CSMD1: variants seen among roughly 807,000 people sequenced by gnomAD.
CSMD1 encodes CUB and sushi domain-containing protein 1.
In CSMD1, 213 loss-of-function variants were observed where a neutral mutation model predicts 417.5. The ratio of observed to expected loss-of-function variants is 0.51; its 90% CI spans 0.46 to 0.57. The LOEUF is 0.57. Among genes scored for constraint, CSMD1 ranks in the 20% least tolerant of loss-of-function variants. The pLI is 0.00. For missense variants in CSMD1, 6,923 were observed against 4,529.7 expected (o/e 1.53, Z -15.17); for synonymous variants, 2,862 against 1,736.8 (o/e 1.65, Z -16.11).
chr8:3,962,267 C>T (rs1174660561), intron 5 of CSMD1, among the ~76,000 whole-genome samples: 1 of 152,178 alleles, frequency 6.6e-6, no homozygotes, highest in Non-Finnish European at 1.5e-5. Flanking sequence ...TGATGAGGTT[C>T]TTCTGTCCTG....
intron 63 of CSMD1, among the ~76,000 whole-genome samples, chr8:2,956,523 C>T (rs769872344): frequency 7.9e-5 from 12 of 151,608 alleles, no homozygotes; most frequent in East Asian, 1.9e-4. Flanking sequence ...GCACGATCTC[C>T]GCTCGCTGCA....
chr8:2,971,359 C>T (rs1804442775), intron 57 of CSMD1, among the ~76,000 whole-genome samples: 1 of 152,112 alleles, frequency 6.6e-6, no homozygotes, highest in East Asian at 1.9e-4. Flanking sequence ...TCTCTTAAAT[C>T]TGAAAGAATC....
At chr8:3,409,679 G>C in intron 12 of CSMD1, 74 bp from the exon 13 acceptor site, 2 of 1,186,212 alleles carry the variant, frequency 1.7e-6, no homozygotes, top group East Asian at 2.7e-5. Flanking sequence ...AACTTAGAAA[G>C]TAAATACGTG....
intron 5 of CSMD1, among the ~76,000 whole-genome samples, chr8:3,896,329 T>A (rs947714012): frequency 6.6e-6 from 1 of 152,156 alleles, no homozygotes; most frequent in Non-Finnish European, 1.5e-5. Context: ...CAGATTTCCA[T>A]ATACTCACTT....
intron 8 of CSMD1, chr8:3,613,374 G>C: frequency 3.4e-6 from 1 of 297,614 alleles, no homozygotes; most frequent in South Asian, 2.8e-5. Flanking sequence ...ACTCTTCTAT[G>C]GTATTCCAGA....
intron 33 of CSMD1, among the ~76,000 whole-genome samples, chr8:3,195,125 T>A (rs947262909): frequency 6.6e-6 from 1 of 152,124 alleles, no homozygotes; most frequent in Non-Finnish European, 1.5e-5. Flanking sequence ...ATTACAGAAA[T>A]AGGCCTTTTA....
At chr8:4,692,309 G>C (rs749201200) in intron 1 of CSMD1, among the ~76,000 whole-genome samples, 1 of 152,034 alleles carries the variant, frequency 6.6e-6, no homozygotes, top group Non-Finnish European at 1.5e-5. Flanking sequence ...CTCATTAAAG[G>C]AAATTTAAAA....
intron 1 of CSMD1, among the ~76,000 whole-genome samples, chr8:4,736,175 C>A (rs1235648072): frequency 6.6e-6 from 1 of 152,128 alleles, no homozygotes. Context: ...CAAATATTAA[C>A]TTCTTCTCTA....
chr8:3,401,458 C>A (rs1212202402), intron 15 of CSMD1, among the ~76,000 whole-genome samples: 1 of 152,098 alleles, frequency 6.6e-6, no homozygotes, highest in Non-Finnish European at 1.5e-5. Flanking sequence ...ATGAAATAGA[C>A]ACTTTAATAA....
chr8:4,572,209 T>C (rs1392660248), intron 2 of CSMD1, among the ~76,000 whole-genome samples: 1 of 152,190 alleles, frequency 6.6e-6, no homozygotes, highest in Non-Finnish European at 1.5e-5. Flanking sequence ...TTCTTCATAG[T>C]GTTGTTGGTC....
intron 3 of CSMD1, among the ~76,000 whole-genome samples, chr8:4,175,690 C>A (rs1172165540): frequency 1.3e-5 from 2 of 152,036 alleles, no homozygotes; most frequent in Non-Finnish European, 1.5e-5. Context: ...TACATAATGT[C>A]CTCACAGAAG....
At position 3,377,919 on chromosome 8, in the gene CSMD1, A is replaced by G. The variant is rs1585076096; in HGVS notation, c.2783-8549T>C. ...TTATATTATCTCTCTCTCTCTTTCT[A>G]TCTAACTTTATGGAGCTGAATATTA... On this transcript the variant is annotated intron_variant, in intron 18 of 69. Coordinates refer to ENST00000635120, the MANE Select transcript of CSMD1 (RefSeq NM_033225.6). 2.0e-5 allele frequency among the ~76,000 whole-genome samples: 3 copies of G among 152,320 alleles called. No individual in the cohort carries two copies. In the Middle Eastern group the frequency reaches 0.01, roughly 518 times the overall value.
chr8:4,642,179 G>A (rs372000217), intron 1 of CSMD1, among the ~76,000 whole-genome samples: 8 of 152,146 alleles, frequency 5.3e-5, no homozygotes, highest in East Asian at 1.9e-4. Context: ...CTACTTGTTC[G>A]GGGCCCCGGT....
At chr8:3,549,365 T>C (rs773887981) in intron 10 of CSMD1, among the ~76,000 whole-genome samples, 1 of 152,206 alleles carries the variant, frequency 6.6e-6, no homozygotes, top group Non-Finnish European at 1.5e-5. Flanking sequence ...TGGTCTCAGA[T>C]AGACAGATCT....
chr8:4,026,152 G>A (rs1288906346), intron 4 of CSMD1, among the ~76,000 whole-genome samples: 2 of 151,972 alleles, frequency 1.3e-5, no homozygotes, highest in Non-Finnish European at 2.9e-5. Context: ...TCATAAATAT[G>A]TCACATTTAC....
At chr8:4,323,499 G>GTCCCA (rs1799384609) in intron 3 of CSMD1, among the ~76,000 whole-genome samples, 1 of 150,376 alleles carries the variant, frequency 6.6e-6, no homozygotes, top group African/African-American at 2.5e-5. Flanking sequence ...TCTGAAACCT[G>GTCCCA]TTATCAGAAA....
At chr8:4,780,060 C>T (rs1013423877) in intron 1 of CSMD1, among the ~76,000 whole-genome samples, 35 of 152,180 alleles carry the variant, frequency 2.3e-4, no homozygotes, top group African/African-American at 8.4e-4. Context: ...CCTCATGGGG[C>T]ACGTACTTCA....
intron 7 of CSMD1, among the ~76,000 whole-genome samples, chr8:3,688,636 A>G (rs1188594251): frequency 6.6e-6 from 1 of 152,244 alleles, no homozygotes; most frequent in Non-Finnish European, 1.5e-5. Context: ...AAAAATACAA[A>G]TTCTAGATTT....
In CSMD1 at chr8:4,719,246, T is replaced by C. The variant is rs548748515; in HGVS notation, c.86-81688A>G. 1.2e-3 allele frequency among the ~76,000 whole-genome samples: 187 copies of C among 152,320 alleles called. 1 individual carries two copies. Among genetic ancestry groups the C allele is most frequent in the African/African-American group, 4.4e-3 (181 of 41,578 alleles). On this transcript the variant is annotated intron_variant, in intron 1 of 69. Transcript: ENST00000635120. Reference sequence around the variant, plus strand: ...ACATTGTCATGTTTTAGATTTTGCATTTTGTGCAAGTTATCTTCAGGACTA... The same window carrying C: ...ACATTGTCATGTTTTAGATTTTGCACTTTGTGCAAGTTATCTTCAGGACTA...
Sources: allele counts gnomAD v4.1 joint callset (sites outside exome capture counted in the v4.1 genomes callset), GRCh38; gene constraint gnomAD v4.1.1; transcripts MANE v1.5; gene names NCBI Gene and HGNC (gene_info 2026-07-23, HGNC 2026-07-21).